PCNT: variants seen among roughly 807,000 people sequenced by gnomAD.
PCNT encodes kendrin.
In PCNT, 319 loss-of-function variants were observed where a neutral mutation model predicts 380.4. That is an observed-to-expected ratio of 0.84 (90% CI 0.77 to 0.92). PCNT has a LOEUF of 0.92. Ranked by LOEUF, PCNT falls within the 40% of genes least tolerant of loss-of-function variation. The pLI, the probability that PCNT is intolerant of heterozygous loss-of-function variation, is 0.00. For synonymous variants in PCNT, 1,845 were observed against 1,735.2 expected (o/e 1.06, Z -1.57); for missense variants, 4,400 against 4,255.3 (o/e 1.03, Z -0.95).
Position 46,363,747 on chromosome 21 carries a change from C to T in PCNT, c.2422C>T (p.Leu808=), listed in dbSNP as rs1362357250. Residue 808 remains leucine (L), a synonymous_variant, in exon 14 of 47, where the codon CTG becomes TTG. Coordinates refer to ENST00000359568, the MANE Select transcript of PCNT (RefSeq NM_006031.6). The stretch of plus-strand genomic sequence containing the variant: ...TCAGGACCAACAGGCAGCCCAGATC[C>T]TGGATCTGGAGAGGTCCTTGACGGA... ...QLQDQQAAQI[L]DLERSLTEQQ... 1 of 1,614,230 alleles carries T rather than the reference C, an allele frequency of 6.2e-7. No homozygotes were observed.
Position 46,399,360 on chromosome 21 carries a change from T to C in PCNT, c.4585-230T>C, listed in dbSNP as rs74788394. ...GCAGCCTGTGGGTCTAGGTCTCTGT[T>C]CAGCCTGTGGGTCTGGGTCTCTCTG... On this transcript the variant is annotated intron_variant, in intron 24 of 46. Coordinates refer to ENST00000359568, the MANE Select transcript of PCNT (RefSeq NM_006031.6). 0.039 allele frequency among the ~76,000 whole-genome samples: 1,046 copies of C among 26,504 alleles called. 13 individuals carry two copies. Among genetic ancestry groups the C allele is most frequent in the African/African-American group, 0.2 (998 of 4,954 alleles). The allele number at this position is 26,504 out of a possible 152,430, so 17.4% of individuals were successfully genotyped here.
intron 15 of PCNT, among the ~76,000 whole-genome samples, chr21:46,372,277 A>T (rs2085175456): frequency 6.7e-6 from 1 of 150,194 alleles, no homozygotes; most frequent in Admixed American, 6.6e-5. Context: ...TAGCACATGC[A>T]TGCACACAGC....
chr21:46,385,173 A>G (rs902347981), intron 16 of PCNT, among the ~76,000 whole-genome samples: 3 of 152,166 alleles, frequency 2.0e-5, no homozygotes, highest in Admixed American at 1.3e-4. Context: ...TGGGCAACAT[A>G]GGGAGACCCT....
At chr21:46,354,278 C>T (rs1012438356) in intron 11 of PCNT, among the ~76,000 whole-genome samples, 17 of 152,230 alleles carry the variant, frequency 1.1e-4, no homozygotes, top group African/African-American at 2.9e-4. Flanking sequence ...CCGGGGGAGC[C>T]GGAGCCCCTC....
At chr21:46,381,869 TAA>T (rs777722782) in intron 16 of PCNT, 29 bp downstream of exon 16, 1 of 1,612,108 alleles carries the variant, frequency 6.2e-7, no homozygotes, top group Non-Finnish European at 8.5e-7. Flanking sequence ...TCCCTTGTGA[TAA>T]GACGTGTATA....
rs1476919533 is a variant in PCNT at position 46,421,659 on chromosome 21, G to A, written c.7025-311G>A. ...AGCTTGCCCAGGCCATCTGGGTTTT[G>A]TGGAGTCTTTGGGGGCCACGTCTGG... is the stretch of plus-strand genomic sequence containing the variant. On this transcript the variant is annotated intron_variant, in intron 31 of 46. Transcript: ENST00000359568. Among the ~76,000 whole-genome samples, 11 of 152,356 alleles carry A rather than the reference G, an allele frequency of 7.2e-5. No individual in the cohort carries two copies. The South Asian group carries it at 1.7e-3, about 23-fold the overall frequency.
At position 46,431,875 on chromosome 21, in the gene PCNT, T is replaced by C; in HGVS notation, c.8411T>C (p.Leu2804Ser). 6.2e-7 allele frequency: 1 copy of C among 1,614,046 alleles called. No individual in the cohort carries two copies. The highest frequency in any genetic ancestry group is 1.3e-5 in the African/African-American group (1 of 75,056). The change falls in exon 38 of 47, where the codon TTG (leucine) becomes TCG (serine). Residue 2804 changes from leucine (L) to serine (S), a missense_variant. Transcript: ENST00000359568. The part of the protein sequence containing the change: ...LKEEKSRVVD[L>S]QAMLEKVQQQ... The stretch of plus-strand genomic sequence containing the variant: ...GAGGAGAAGTCCCGGGTGGTGGACT[T>C]GCAAGCGATGCTTGAAAAGGTGCAG...
At position 46,346,952 on chromosome 21, in the gene PCNT, C is replaced by G. The variant is rs778056605; in HGVS notation, c.930C>G (p.His310Gln). ...AGCTGGAGCTCCTCAGGGAGCAGCA[C>G]GCACGGGAGAAGGAGGAGGTGGTGC... is the stretch of plus-strand genomic sequence containing the variant. ...QHELELLREQ[H>Q]AREKEEVVLR... The change falls in exon 5 of 47, where the codon CAC becomes CAG. Residue 310 changes from histidine to glutamine, a missense_variant. Physicochemically the swap from His to Gln is conservative, Grantham distance 24. Coordinates refer to ENST00000359568, the MANE Select transcript of PCNT (RefSeq NM_006031.6). 2 of 1,597,100 alleles carry G rather than the reference C, an allele frequency of 1.3e-6. No individual in the cohort carries two copies. The highest frequency in any genetic ancestry group is 2.0e-4 in the Middle Eastern group (1 of 5,038).
rs1283665277 is a variant in PCNT, at chr21:46,386,039, A to G, written c.3464+56A>G. 3.7e-6 allele frequency: 6 copies of G among 1,605,904 alleles called. No homozygotes were observed. In the East Asian group the frequency reaches 1.1e-4, roughly 30 times the overall value. ...TGTGGCCGCCAGCACCCGCTGGGTCATGCAGATGCCATTGGTCCCCACGGC... is the reference window on the plus strand; with the variant it reads ...TGTGGCCGCCAGCACCCGCTGGGTCGTGCAGATGCCATTGGTCCCCACGGC... On this transcript the variant is annotated intron_variant, in intron 17 of 46. Transcript: ENST00000359568.
chr21:46,442,473 GTGTCT>G lies in PCNT; in HGVS notation c.9624-18_9624-14del. ...TTCCTGTCTTGCCGTACTTTTAAGTGTGTCTTGTCTCTTTTTTTTGTAGATTACGT... is the reference window on the plus strand; with the variant it reads ...TTCCTGTCTTGCCGTACTTTTAAGTGTGTCTCTTTTTTTTGTAGATTACGT... On this transcript the variant is annotated intron_variant, in intron 43 of 46. Coordinates refer to ENST00000359568, the MANE Select transcript of PCNT (RefSeq NM_006031.6). 6.8e-7 allele frequency: 1 copy of G among 1,474,962 alleles called. No individual in the cohort carries two copies. The highest frequency in any genetic ancestry group is 9.5e-7 in the Non-Finnish European group (1 of 1,053,682). 91.4% of individuals were successfully genotyped at this position (1,474,962 alleles called of 1,614,324 possible).
chr21:46,444,067 ACT>A lies in PCNT; in HGVS notation c.9839+123_9839+124del, dbSNP rs2053685603. 10 of 1,118,370 alleles carry A rather than the reference ACT, an allele frequency of 8.9e-6. No homozygotes were observed. In the Admixed American group the frequency reaches 1.0e-4, roughly 11 times the overall value. 69.3% of individuals were successfully genotyped at this position (1,118,370 alleles called of 1,614,324 possible). A position where few individuals can be genotyped will look rare whatever the true frequency, so the allele number is the denominator to read the frequency against. On this transcript the variant is annotated intron_variant, in intron 45 of 46. Transcript: ENST00000359568. The stretch of plus-strand genomic sequence containing the variant: ...GGCCCAGCCCAGGGCAAGGCAGGAA[ACT>A]CTCCAGCGTGAGTCCGTGAGGGCCA...
chr21:46,374,113 C>G (rs1223308810), intron 15 of PCNT, among the ~76,000 whole-genome samples: 3 of 152,030 alleles, frequency 2.0e-5, no homozygotes, highest in Non-Finnish European at 4.4e-5. Context: ...GGGATGTACT[C>G]TTTATTTTAT....
At chr21:46,435,821 C>T (rs936129159) in intron 38 of PCNT, 83 bp from the exon 39 acceptor site, 8 of 1,538,134 alleles carry the variant, frequency 5.2e-6, no homozygotes, top group African/African-American at 2.7e-5. Flanking sequence ...GGATTACAGG[C>T]ATGAACCACC....
intron 24 of PCNT, 35 bp downstream of exon 24, chr21:46,398,290 G>T: frequency 6.3e-7 from 1 of 1,583,864 alleles, no homozygotes; most frequent in South Asian, 1.1e-5. Flanking sequence ...CACTCCCTGC[G>T]CTGGCGCCCA....
At chr21:46,354,976 C>A (rs1773936221) in intron 11 of PCNT, among the ~76,000 whole-genome samples, 1 of 152,200 alleles carries the variant, frequency 6.6e-6, no homozygotes, top group South Asian at 2.1e-4. Flanking sequence ...GGTAGCCCCA[C>A]CAGGCATTCG....
At chr21:46,422,306 C>G (rs2087286225) in intron 32 of PCNT, among the ~76,000 whole-genome samples, 182 bp downstream of exon 32, 1 of 152,228 alleles carries the variant, frequency 6.6e-6, no homozygotes, top group Admixed American at 6.5e-5. Flanking sequence ...AAGCCGCCCA[C>G]CCAGCCCTGC....
Position 46,381,680 on chromosome 21 carries a change from A to T in PCNT, c.3166-14A>T. 5 of 1,610,136 alleles carry T rather than the reference A, an allele frequency of 3.1e-6. No homozygotes were observed. Among genetic ancestry groups the T allele is most frequent in the Non-Finnish European group, 4.3e-6 (5 of 1,176,408 alleles). On this transcript the variant is annotated splice_polypyrimidine_tract_variant and intron_variant, in intron 15 of 46. Transcript: ENST00000359568. ...TAGCTTACTGGTATTTTTTATTGTT[A>T]TTGATGTGTACAGGGTGAATTTGGA...
chr21:46,344,835 G>A (rs1433433896), intron 3 of PCNT, among the ~76,000 whole-genome samples: 1 of 152,226 alleles, frequency 6.6e-6, no homozygotes, highest in Non-Finnish European at 1.5e-5. Flanking sequence ...GTTTCCAGAG[G>A]TGGGAATGTT....
In PCNT at chr21:46,415,604, C is replaced by T. The variant is rs148946852; in HGVS notation, c.6151-465C>T. On this transcript the variant is annotated intron_variant, in intron 29 of 46. Transcript: ENST00000359568. ...TTCACCATTTTGGCCAGGGTGGTCT[C>T]GAACTCCTGACCTCGTGATCCACCT... Among the ~76,000 whole-genome samples, 1,355 of 151,994 alleles carry T rather than the reference C, an allele frequency of 8.9e-3. 13 individuals carry two copies. Among genetic ancestry groups the T allele is most frequent in the Middle Eastern group, 0.034 (10 of 294 alleles).
Sources: allele counts gnomAD v4.1 joint callset (sites outside exome capture counted in the v4.1 genomes callset), GRCh38; gene constraint gnomAD v4.1.1; transcripts MANE v1.5; gene names NCBI Gene and HGNC (gene_info 2026-07-23, HGNC 2026-07-21).